The following NETO2 variants were observed in gnomAD, a reference collection of about 807,000 sequenced individuals.
NETO2 encodes neuropilin and tolloid-like protein 2.
A neutral mutation model predicts 62.5 loss-of-function variants in NETO2; 28 were observed. That is an observed-to-expected ratio of 0.45 (90% CI 0.33 to 0.61). The LOEUF (loss-of-function observed/expected upper bound fraction) is 0.61. Ranked by LOEUF, NETO2 falls within the 20% of genes least tolerant of loss-of-function variation. NETO2 has a pLI of 0.02. For missense variants in NETO2, 548 were observed against 643.2 expected (o/e 0.85, Z 1.60); for synonymous variants, 214 against 219.1 (o/e 0.98, Z 0.21).
At chr16:47,111,741 G>A (rs1963806089) in intron 6 of NETO2, among the ~76,000 whole-genome samples, 1 of 152,186 alleles carries the variant, frequency 6.6e-6, no homozygotes, top group African/African-American at 2.4e-5. Flanking sequence ...TCCCTGGAGT[G>A]GAATGGGCTG....
chr16:47,103,817 T>C (rs1441207434), intron 7 of NETO2, among the ~76,000 whole-genome samples: 1 of 152,070 alleles, frequency 6.6e-6, no homozygotes, highest in Non-Finnish European at 1.5e-5. Context: ...AAAAAGCATT[T>C]GACAAAATTC....
At chr16:47,087,289 G>A (rs1395684150) in intron 7 of NETO2, among the ~76,000 whole-genome samples, 1 of 152,114 alleles carries the variant, frequency 6.6e-6, no homozygotes, top group South Asian at 2.1e-4. Flanking sequence ...CTCCCAAAGC[G>A]CTGGGATTAC....
At chr16:47,118,798 TG>T (rs1963975485) in intron 6 of NETO2, among the ~76,000 whole-genome samples, 2 of 152,332 alleles carry the variant, frequency 1.3e-5, no homozygotes, top group Admixed American at 1.3e-4. Context: ...TCATTGCATC[TG>T]TAAACATTTC....
intron 4 of NETO2, among the ~76,000 whole-genome samples, chr16:47,124,325 A>G (rs1346814347): frequency 6.6e-6 from 1 of 152,208 alleles, no homozygotes; most frequent in African/African-American, 2.4e-5. Context: ...TTTCATATGT[A>G]TTCCAGAAAT....
At chr16:47,097,346 T>C (rs1963448119) in intron 7 of NETO2, among the ~76,000 whole-genome samples, 1 of 152,148 alleles carries the variant, frequency 6.6e-6, no homozygotes, top group Admixed American at 6.5e-5. Context: ...GGGAGGGGCA[T>C]CTGCCATGAC....
intron 6 of NETO2, among the ~76,000 whole-genome samples, chr16:47,119,210 G>T (rs538549697): frequency 6.7e-6 from 1 of 148,284 alleles, no homozygotes; most frequent in African/African-American, 2.5e-5. Flanking sequence ...GGAGTGCAGT[G>T]GCGTGATCTC....
chr16:47,138,226 C>T (rs1168163864), intron 1 of NETO2, among the ~76,000 whole-genome samples: 6 of 152,094 alleles, frequency 3.9e-5, no homozygotes, highest in Non-Finnish European at 8.8e-5. Flanking sequence ...ATGGTGAAAC[C>T]CCGTCTCTAA....
chr16:47,111,684 T>C (rs528645797), intron 6 of NETO2, among the ~76,000 whole-genome samples: 3 of 152,256 alleles, frequency 2.0e-5, no homozygotes, highest in African/African-American at 7.2e-5. Flanking sequence ...CCTCCCCTCA[T>C]AGGAAGTGGG....
chr16:47,113,679 C>T (rs1231485504), intron 6 of NETO2, among the ~76,000 whole-genome samples: 2 of 150,536 alleles, frequency 1.3e-5, no homozygotes, highest in East Asian at 3.9e-4. Context: ...GCAACCTCCG[C>T]CTCAAGGATT....
intron 2 of NETO2, among the ~76,000 whole-genome samples, chr16:47,130,141 G>A (rs1304448730): frequency 2.0e-5 from 3 of 152,208 alleles, no homozygotes; most frequent in Non-Finnish European, 2.9e-5. Flanking sequence ...AAAACAGGGA[G>A]ACGAGTGAAT....
In NETO2 at chr16:47,109,641, T is replaced by C. The variant is rs1407394629; in HGVS notation, c.725A>G (p.Tyr242Cys). ...NECKRNFVAVYDGSSSIENLK... is the reference protein window; with the variant it reads ...NECKRNFVAVCDGSSSIENLK... The stretch of plus-strand genomic sequence containing the variant: ...GTTTTCAATAGAACTGCTTCCATCA[T>C]AGACTGCAACGAAGTTTCTCTTGCA... Residue 242 changes from tyrosine (Y) to cysteine (C), a missense_variant, in exon 7 of 9, where the codon TAT becomes TGT. Physicochemically the swap from Tyr to Cys is radical, Grantham distance 194 (BLOSUM62 -2). Coordinates refer to ENST00000562435, the MANE Select transcript of NETO2 (RefSeq NM_018092.5). 6 of 1,614,174 alleles carry C rather than the reference T, an allele frequency of 3.7e-6. No homozygotes were observed. The highest frequency in any genetic ancestry group is 8.5e-7 in the Non-Finnish European group (1 of 1,180,000).
At chr16:47,089,416 T>G (rs1306190196) in intron 7 of NETO2, among the ~76,000 whole-genome samples, 1 of 152,246 alleles carries the variant, frequency 6.6e-6, no homozygotes, top group Non-Finnish European at 1.5e-5. Context: ...ATGAAGGGGA[T>G]GGAATACAGT....
chr16:47,105,688 AAAG>A (rs1262030253), intron 7 of NETO2, among the ~76,000 whole-genome samples: 4 of 152,248 alleles, frequency 2.6e-5, no homozygotes, highest in Non-Finnish European at 4.4e-5. Context: ...ACCTTTCTGC[AAAG>A]AAGATGTATG....
At position 47,079,116 on chromosome 16, in the gene NETO2, CT is replaced by C. The variant is rs1963019378; in HGVS notation, c.*4104del. ...CTAACATGGTGAAACCCCGTCTCTACTAAAAATACAAAAAATTAGCCGGGCA... is the reference window on the plus strand; with the variant it reads ...CTAACATGGTGAAACCCCGTCTCTACAAAAATACAAAAAATTAGCCGGGCA... On this transcript the variant is annotated 3_prime_UTR_variant, in exon 9 of 9. Transcript: ENST00000562435. 6.7e-6 allele frequency: 1 copy of C among 149,058 alleles called. No individual in the cohort carries two copies. Among genetic ancestry groups the C allele is most frequent in the Admixed American group, 6.7e-5 (1 of 14,868 alleles). The allele number at this position is 149,058 out of a possible 1,614,324, so 9.2% of individuals were successfully genotyped here.
chr16:47,102,140 A>T (rs1420677841), intron 7 of NETO2, among the ~76,000 whole-genome samples: 1 of 152,160 alleles, frequency 6.6e-6, no homozygotes, highest in Non-Finnish European at 1.5e-5. Flanking sequence ...CATATCTACA[A>T]CCATCTGATC....
chr16:47,103,214 C>T (rs1963594463), intron 7 of NETO2, among the ~76,000 whole-genome samples: 1 of 152,170 alleles, frequency 6.6e-6, no homozygotes, highest in African/African-American at 2.4e-5. Flanking sequence ...ACTGCATGTT[C>T]TCACTCATAA....
chr16:47,105,011 T>A (rs973039861), intron 7 of NETO2, among the ~76,000 whole-genome samples: 47 of 149,614 alleles, frequency 3.1e-4, no homozygotes, highest in African/African-American at 1.1e-3. Flanking sequence ...TGAGCCACTG[T>A]GCCTGGCCTT....
intron 6 of NETO2, among the ~76,000 whole-genome samples, chr16:47,118,899 C>T (rs568980784): frequency 2.0e-5 from 3 of 152,102 alleles, no homozygotes; most frequent in Non-Finnish European, 4.4e-5. Flanking sequence ...AGTGTTCAAA[C>T]TTCTGTCATC....
intron 7 of NETO2, among the ~76,000 whole-genome samples, chr16:47,090,592 T>TC (rs556851185): frequency 6.7e-4 from 101 of 151,824 alleles, no homozygotes; most frequent in Middle Eastern, 3.4e-3. Context: ...GAATTTTGTG[T>TC]CCCCCCCAAT....
Sources: allele counts gnomAD v4.1 joint callset (sites outside exome capture counted in the v4.1 genomes callset), GRCh38; gene constraint gnomAD v4.1.1; transcripts MANE v1.5; gene names NCBI Gene and HGNC (gene_info 2026-07-23, HGNC 2026-07-21).